PCDHGA3: variants seen among roughly 807,000 people sequenced by gnomAD.
PCDHGA3 encodes protocadherin gamma subfamily A, 3.
In PCDHGA3, 40 loss-of-function variants were observed where a neutral mutation model predicts 58.5. The ratio of observed to expected loss-of-function variants is 0.68; its 90% CI spans 0.53 to 0.89. The LOEUF is 0.89. Ranked by LOEUF, PCDHGA3 falls within the 40% of genes least tolerant of loss-of-function variation. The probability of loss-of-function intolerance (pLI) is 0.00; values close to 1 mark genes in which losing one functional copy is unlikely to be tolerated. For missense variants in PCDHGA3, 1,223 were observed against 1,195.9 expected, an observed-to-expected ratio of 1.02 and a Z score of -0.33; for synonymous variants, 530 against 525.7, an observed-to-expected ratio of 1.01 and a Z score of -0.11.
At position 141,360,885 on chromosome 5, in the gene PCDHGA3, C is replaced by T. The variant is rs762942158; in HGVS notation, c.2424+14428C>T. 3 of 1,614,014 alleles carry T rather than the reference C, an allele frequency of 1.9e-6. No homozygotes were observed. The East Asian group carries it at 6.7e-5, about 36-fold the overall frequency. On this transcript the variant is annotated intron_variant, in intron 1 of 3. Coordinates refer to ENST00000253812, the MANE Select transcript of PCDHGA3 (RefSeq NM_018916.4). ...TCAGCCAGGACGTGTACAGGGTCACCCTGAGGGAGGACGTGCCGCCGGGCT... is the reference window on the plus strand; with the variant it reads ...TCAGCCAGGACGTGTACAGGGTCACTCTGAGGGAGGACGTGCCGCCGGGCT...
chr5:141,469,500 G>A (rs1471801110), intron 1 of PCDHGA3, among the ~76,000 whole-genome samples: 4 of 151,914 alleles, frequency 2.6e-5, no homozygotes, highest in South Asian at 2.1e-4. Flanking sequence ...GCTTGAACCC[G>A]GGAGGTGGAG....
chr5:141,459,028 C>T (rs373532898), intron 1 of PCDHGA3, among the ~76,000 whole-genome samples: 1 of 152,202 alleles, frequency 6.6e-6, no homozygotes, highest in Non-Finnish European at 1.5e-5. Context: ...CCACCACATC[C>T]AGCCTTACCA....
intron 1 of PCDHGA3, among the ~76,000 whole-genome samples, chr5:141,425,551 T>C (rs1472337722): frequency 1.3e-5 from 2 of 152,270 alleles, no homozygotes. Context: ...CAGAAACCTC[T>C]TTTATAAGTG....
intron 1 of PCDHGA3, among the ~76,000 whole-genome samples, chr5:141,368,418 C>T (rs900475328): frequency 3.3e-5 from 5 of 151,998 alleles, no homozygotes; most frequent in Admixed American, 2.0e-4. Flanking sequence ...CACACATGGA[C>T]ATTCTGACCA....
Position 141,421,724 on chromosome 5 carries a change from A to G in PCDHGA3, c.2425-73083A>G, listed in dbSNP as rs541532003. On this transcript the variant is annotated intron_variant, in intron 1 of 3. Transcript: ENST00000253812. ...GCTAGGGATCCAGATGTGGGCGTGA[A>G]CTCCCTCCAGAGCTACCAGCTCAGC... 250 of 1,613,766 alleles carry G rather than the reference A, an allele frequency of 1.5e-4. 5 individuals are homozygous for G. The South Asian group carries it at 2.6e-3, about 17-fold the overall frequency.
At chr5:141,395,102 G>A (rs766050798) in intron 1 of PCDHGA3, 2 of 1,614,172 alleles carry the variant, frequency 1.2e-6, no homozygotes, top group East Asian at 2.2e-5. Flanking sequence ...CCGCCGACTC[G>A]CGGAAGAGTC....
At chr5:141,483,918 T>G (rs2099588800) in intron 1 of PCDHGA3, among the ~76,000 whole-genome samples, 1 of 150,512 alleles carries the variant, frequency 6.6e-6, no homozygotes, top group Non-Finnish European at 1.5e-5. Flanking sequence ...CCACTCAGAT[T>G]GCAGGTCGTA....
intron 1 of PCDHGA3, chr5:141,403,638 A>T (rs373036061): frequency 1.9e-6 from 3 of 1,613,906 alleles, no homozygotes; most frequent in Non-Finnish European, 2.5e-6. Flanking sequence ...GTGCGCATCC[A>T]TGTGACAGTG....
chr5:141,408,249 T>A, intron 1 of PCDHGA3: 1 of 1,589,992 alleles, frequency 6.3e-7, no homozygotes, highest in Non-Finnish European at 8.6e-7. Flanking sequence ...CCGCGGCAGG[T>A]GCTATTTCCT....
At chr5:141,419,439 C>G (rs375537017) in intron 1 of PCDHGA3, 1 of 1,613,154 alleles carries the variant, frequency 6.2e-7, no homozygotes, top group Non-Finnish European at 8.5e-7. Context: ...CAGCTGCGCA[C>G]CTTCGAGCTC....
At position 141,400,271 on chromosome 5, in the gene PCDHGA3, C is replaced by A. The variant is rs2093993934; in HGVS notation, c.2424+53814C>A. The A allele has an allele frequency of 4.3e-6, 7 of 1,614,094 alleles. No individual in the cohort carries two copies. In the African/African-American group the frequency reaches 9.3e-5, roughly 21 times the overall value. The stretch of plus-strand genomic sequence containing the variant: ...GTTGCCTTGCGCCTGCGACGCTCCT[C>A]CAGCCCTGCCGCCTGGAGCTGCTTC... On this transcript the variant is annotated intron_variant, in intron 1 of 3. Transcript: ENST00000253812.
Position 141,432,097 on chromosome 5 carries a change from C to G in PCDHGA3, c.2425-62710C>G. ...TCTCGCTGAACGTGGCAGACACCAA[C>G]GACAACCCGCCGGTCTTCCCTCAGG... On this transcript the variant is annotated intron_variant, in intron 1 of 3. Transcript: ENST00000253812. This position sits in a 1 kb window ranked among gnomAD's most constrained non-coding sequence, Gnocchi z 6.0. The G allele has an allele frequency of 6.2e-7, 1 of 1,614,184 alleles. No homozygotes were observed.
chr5:141,389,491 G>C, intron 1 of PCDHGA3: 1 of 1,612,994 alleles, frequency 6.2e-7, no homozygotes, highest in Non-Finnish European at 8.5e-7. Context: ...CGCGACCAGG[G>C]CTCGCCAGCG....
chr5:141,387,938 T>G (rs1461367286), intron 1 of PCDHGA3: 1 of 1,476,714 alleles, frequency 6.8e-7, no homozygotes, highest in South Asian at 1.4e-5. Context: ...CAGTGCTCTT[T>G]CTCTTCCTGC....
chr5:141,509,447 C>T (rs898280593), intron 3 of PCDHGA3, among the ~76,000 whole-genome samples: 2 of 152,128 alleles, frequency 1.3e-5, no homozygotes, highest in Admixed American at 6.5e-5. Context: ...CCTCCTCTCC[C>T]ACCCCCGACC....
At chr5:141,413,381 G>T in intron 1 of PCDHGA3, 2 of 1,613,946 alleles carry the variant, frequency 1.2e-6, no homozygotes, top group Admixed American at 1.7e-5. Context: ...CGCGGAGTCC[G>T]CATAGTCTCC....
chr5:141,511,391 C>G lies in PCDHGA3; in HGVS notation c.*218C>G. ...TGCAAAAGCAGTTCCGCTGGGAACC[C>G]CCATCCAATCAACTGCTGTACCCAT... is the stretch of plus-strand genomic sequence containing the variant. On this transcript the variant is annotated 3_prime_UTR_variant, in exon 4 of 4. Coordinates refer to ENST00000253812, the MANE Select transcript of PCDHGA3 (RefSeq NM_018916.4). 2.8e-6 allele frequency: 3 copies of G among 1,079,748 alleles called. No homozygotes were observed. The highest frequency in any genetic ancestry group is 3.3e-5 in the South Asian group (2 of 60,136). The allele number at this position is 1,079,748 out of a possible 1,614,324, so 66.9% of individuals were successfully genotyped here. A position where few individuals can be genotyped will look rare whatever the true frequency, so the allele number is the denominator to read the frequency against.
chr5:141,372,816 T>C lies in PCDHGA3; in HGVS notation c.2424+26359T>C, dbSNP rs1480093678. The C allele has an allele frequency of 3.2e-6, 5 of 1,580,556 alleles. No homozygotes were observed. In the Admixed American group the frequency reaches 9.1e-5, roughly 29 times the overall value. On this transcript the variant is annotated intron_variant, in intron 1 of 3. Transcript: ENST00000253812. ...TTCAGGCAATTTGCAAAAGGTGAGTTTCTTCAAACCTTTCCTTCCATAAAT... is the reference window on the plus strand; with the variant it reads ...TTCAGGCAATTTGCAAAAGGTGAGTCTCTTCAAACCTTTCCTTCCATAAAT...
At chr5:141,403,588 C>T in intron 1 of PCDHGA3, 1 of 1,613,904 alleles carries the variant, frequency 6.2e-7, no homozygotes, top group South Asian at 1.1e-5. Flanking sequence ...ACCTGGTCCT[C>T]ACGGCCTCGG....
Sources: allele counts gnomAD v4.1 joint callset (sites outside exome capture counted in the v4.1 genomes callset), GRCh38; gene constraint gnomAD v4.1.1; non-coding constraint Gnocchi (gnomAD v3.1); transcripts MANE v1.5; gene names NCBI Gene and HGNC (gene_info 2026-07-23, HGNC 2026-07-21).